MAGED1: variants seen among roughly 807,000 people sequenced by gnomAD.
The protein encoded by MAGED1 is MAGE family member D1.
Under a neutral mutation model 54.1 loss-of-function variants are expected in MAGED1, and 3 were observed. The observed-to-expected ratio is 0.06, with a 90% CI of 0.03 to 0.14. The LOEUF (loss-of-function observed/expected upper bound fraction) is 0.14. MAGED1 is among the 10% of genes least tolerant of loss of function. MAGED1 has a pLI of 1.00. For missense variants in MAGED1, 485 were observed against 623.4 expected, an observed-to-expected ratio of 0.78 and a Z score of 2.36; for synonymous variants, 217 against 227.3, an observed-to-expected ratio of 0.95 and a Z score of 0.41.
intron 1 of MAGED1, among the ~76,000 whole-genome samples, chrX:51,817,960 A>G (rs1925492972): frequency 8.9e-6 from 1 of 112,036 alleles, no homozygotes; most frequent in African/African-American, 3.2e-5. Context: ...CATTTACGCT[A>G]TTTCTTACAA....
intron 1 of MAGED1, among the ~76,000 whole-genome samples, chrX:51,818,367 T>C (rs1925506472): frequency 9.0e-6 from 1 of 111,374 alleles, no homozygotes; most frequent in South Asian, 3.9e-4. Flanking sequence ...GAGGCCTCTT[T>C]GCTACAAGAT....
chrX:51,864,726 G>C (rs1391061662), intron 1 of MAGED1, among the ~76,000 whole-genome samples: 1 of 110,686 alleles, frequency 9.0e-6, no homozygotes, highest in African/African-American at 3.3e-5. Flanking sequence ...ATTATAAATG[G>C]GATTATTTTC....
intron 1 of MAGED1, among the ~76,000 whole-genome samples, chrX:51,886,125 A>G (rs1557362793): frequency 1.5e-5 from 1 of 67,416 alleles, no homozygotes; most frequent in Non-Finnish European, 2.6e-5. Context: ...GAGGCTGAGA[A>G]GGGTGGGGGG....
At chrX:51,875,265 A>G (rs1927827251) in intron 1 of MAGED1, among the ~76,000 whole-genome samples, 1 of 110,904 alleles carries the variant, frequency 9.0e-6, no homozygotes, top group South Asian at 3.9e-4. Context: ...CAATCCTTCA[A>G]AGATCTCCAG....
chrX:51,873,041 T>G (rs782708825), intron 1 of MAGED1, among the ~76,000 whole-genome samples: 26 of 93,341 alleles, frequency 2.8e-4, no homozygotes, highest in African/African-American at 8.8e-4. Flanking sequence ...CTTTCTTTCA[T>G]TGTCAAAAAA....
At chrX:51,804,755 G>A (rs1433323544) in intron 1 of MAGED1, among the ~76,000 whole-genome samples, 1 of 111,714 alleles carries the variant, frequency 9.0e-6, no homozygotes, top group African/African-American at 3.3e-5. Flanking sequence ...GTAATAGGTT[G>A]TAATGTGGAC....
intron 1 of MAGED1, among the ~76,000 whole-genome samples, chrX:51,829,452 A>T (rs1185991310): frequency 5.4e-5 from 6 of 110,795 alleles, no homozygotes; most frequent in Non-Finnish European, 1.1e-4. Flanking sequence ...ATAGAATAAA[A>T]TAAAATACCA....
chrX:51,875,781 G>T (rs922133914), intron 1 of MAGED1, among the ~76,000 whole-genome samples: 5 of 111,515 alleles, frequency 4.5e-5, no homozygotes, highest in Non-Finnish European at 9.4e-5. Context: ...GGTCACAGGG[G>T]AATGTGGCCA....
intron 1 of MAGED1, among the ~76,000 whole-genome samples, chrX:51,854,065 A>G (rs782310908): frequency 4.5e-5 from 5 of 111,783 alleles, no homozygotes; most frequent in Admixed American, 9.5e-5. Flanking sequence ...AAGCAGGTAA[A>G]TGACTCGTGA....
At chrX:51,886,677 G>A (rs1477056096) in intron 1 of MAGED1, among the ~76,000 whole-genome samples, 1 of 110,230 alleles carries the variant, frequency 9.1e-6, no homozygotes. Context: ...TAATAAGTGA[G>A]TTTAGCAGGT....
upstream of MAGED1, among the ~76,000 whole-genome samples, chrX:51,891,739 C>CTGTT (rs1451069849): frequency 8.9e-6 from 1 of 111,979 alleles, no homozygotes; most frequent in South Asian, 3.8e-4. Flanking sequence ...GGTTTGGGAC[C>CTGTT]TGTTAATTTA....
chrX:51,893,304 A>G (rs1214728633), upstream of MAGED1, among the ~76,000 whole-genome samples: 3 of 108,532 alleles, frequency 2.8e-5, no homozygotes, highest in Admixed American at 9.7e-5. Context: ...GGAGGGACGG[A>G]ATAGAGACGC....
chrX:51,851,342 A>G (rs1926883413), intron 1 of MAGED1, among the ~76,000 whole-genome samples: 1 of 111,634 alleles, frequency 9.0e-6, no homozygotes, highest in Admixed American at 9.5e-5. Context: ...GATTATGCCT[A>G]ATTTGCCGGA....
At chrX:51,860,790 C>T (rs782494983) in intron 1 of MAGED1, among the ~76,000 whole-genome samples, 4 of 110,015 alleles carry the variant, frequency 3.6e-5, no homozygotes, top group Non-Finnish European at 5.7e-5. Context: ...GAAACCTAGG[C>T]ATTTTGAGGG....
intron 5 of MAGED1, 40 bp from the exon 6 acceptor site, chrX:51,897,507 C>T (rs782434465): frequency 9.4e-7 from 1 of 1,068,475 alleles, no homozygotes; most frequent in East Asian, 3.0e-5. Context: ...TGCTCTGTGG[C>T]CCCCGCTCGG....
At chrX:51,884,124 A>AT (rs1433380547) in intron 1 of MAGED1, among the ~76,000 whole-genome samples, 1 of 111,359 alleles carries the variant, frequency 9.0e-6, no homozygotes, top group African/African-American at 3.3e-5. Flanking sequence ...AATGTCCCAA[A>AT]TTTGGGGGTG....
rs141472804 is a variant in MAGED1, at chrX:51,897,446, C to G, written c.1487-101C>G. On this transcript the variant is annotated intron_variant, in intron 5 of 12. Coordinates refer to ENST00000326587, the MANE Select transcript of MAGED1 (RefSeq NM_006986.4). The stretch of plus-strand genomic sequence containing the variant: ...CCTTTCCATGGTTGGCTCTTTCCAC[C>G]CTTGAGGACCTTGACTGTGCTACCC... The G allele has an allele frequency of 2.8e-3, 2,220 of 786,869 alleles. 32 individuals are homozygous for G. In the African/African-American group the frequency reaches 0.041, roughly 15 times the overall value. 64.8% of individuals were successfully genotyped at this position (786,869 alleles called of 1,213,427 possible).
chrX:51,869,561 A>C (rs1602249930), intron 1 of MAGED1, among the ~76,000 whole-genome samples: 2 of 110,656 alleles, frequency 1.8e-5, no homozygotes, highest in African/African-American at 3.3e-5. Flanking sequence ...TTTCATTTTT[A>C]ATTTTTTTTT....
chrX:51,809,102 T>TTTTTA (rs1437372604), intron 1 of MAGED1, among the ~76,000 whole-genome samples: 40 of 111,305 alleles, frequency 3.6e-4, no homozygotes, highest in African/African-American at 1.1e-3. Context: ...CATAGTCCCC[T>TTTTTA]TTTTATTTTA....
Sources: allele counts gnomAD v4.1 joint callset (sites outside exome capture counted in the v4.1 genomes callset), GRCh38; gene constraint gnomAD v4.1.1; transcripts MANE v1.5; gene names NCBI Gene and HGNC (gene_info 2026-07-23, HGNC 2026-07-21).